The following PKD1L3 variants were observed in gnomAD, a reference collection of about 807,000 sequenced individuals.
PKD1L3 encodes the protein polycystin-1-like protein 3.
Under a neutral mutation model 184.1 loss-of-function variants are expected in PKD1L3, and 239 were observed. The observed-to-expected ratio is 1.30, with a 90% CI of 1.17 to 1.45. The LOEUF is 1.45. PKD1L3 is among the 40% of genes most tolerant of loss of function. PKD1L3 has a pLI of 0.00. For synonymous variants in PKD1L3, 996 were observed against 778.8 expected (o/e 1.28, Z -4.64); for missense variants, 2,660 against 2,067.2 (o/e 1.29, Z -5.56).
Position 71,933,450 on chromosome 16 carries a change from A to T in PKD1L3, c.4896T>A (p.Gly1632=). Residue 1632 remains glycine, a synonymous_variant, in exon 28 of 30, where the codon GGT becomes GGA. Coordinates refer to ENST00000620267, the MANE Select transcript of PKD1L3 (RefSeq NM_181536.2). The stretch of plus-strand genomic sequence containing the variant: ...CTTGGTGAGAAATTCCCATCAGGAG[A>T]CCAACAACAGTCACTGCTGAGCTGA... ...TFFSSAVTVV[G]LLMGISHQEE... 3 of 1,550,362 alleles carry T rather than the reference A, an allele frequency of 1.9e-6. No homozygotes were observed. Among genetic ancestry groups the T allele is most frequent in the Non-Finnish European group, 2.6e-6 (3 of 1,145,734 alleles).
At chr16:71,989,946 A>T (rs780148821) in intron 4 of PKD1L3, among the ~76,000 whole-genome samples, 3 of 152,070 alleles carry the variant, frequency 2.0e-5, no homozygotes, top group Non-Finnish European at 4.4e-5. Flanking sequence ...GTGGTGGCGC[A>T]GGCCTGTAAT....
At chr16:71,970,647 A>G (rs1252087262) in intron 12 of PKD1L3, among the ~76,000 whole-genome samples, 1 of 152,126 alleles carries the variant, frequency 6.6e-6, no homozygotes, top group Admixed American at 6.6e-5. Context: ...ATCTCTACTA[A>G]AAATATAAAA....
chr16:71,955,583 C>T (rs989328441), intron 16 of PKD1L3, among the ~76,000 whole-genome samples: 1 of 151,968 alleles, frequency 6.6e-6, no homozygotes, highest in Admixed American at 6.6e-5. Flanking sequence ...ACCTCCATCC[C>T]CCTGGCTCAA....
intron 16 of PKD1L3, among the ~76,000 whole-genome samples, chr16:71,961,994 G>A (rs2039298446): frequency 6.6e-6 from 1 of 152,094 alleles, no homozygotes; most frequent in African/African-American, 2.4e-5. Context: ...GCTGTATCTC[G>A]GCTCACTGCA....
intron 15 of PKD1L3, among the ~76,000 whole-genome samples, chr16:71,964,435 T>A (rs1597330698): frequency 7.3e-6 from 1 of 137,634 alleles, no homozygotes; most frequent in Non-Finnish European, 1.5e-5. Context: ...ACCTCCCAGG[T>A]TCAAGCAATT....
Position 71,980,927 on chromosome 16 carries a change from A to G in PKD1L3, c.1144-793T>C, listed in dbSNP as rs1017906670. On this transcript the variant is annotated intron_variant, in intron 7 of 29. Transcript: ENST00000620267. The stretch of plus-strand genomic sequence containing the variant: ...CTCTAGGCAACAACGAATCTACTTT[A>G]TGTGTCTACAGATTTGCCTCTTTGG... Among the ~76,000 whole-genome samples, 3 of 152,202 alleles carry G rather than the reference A, an allele frequency of 2.0e-5. No individual in the cohort carries two copies. The East Asian group carries it at 5.8e-4, about 29-fold the overall frequency.
rs1312141826 is a variant in PKD1L3, at chr16:71,950,106, G to C, written c.3383+12C>G. On this transcript the variant is annotated intron_variant, in intron 20 of 29. Transcript: ENST00000620267. ...TTACAGGGGATAAAGAAGGCTTGGT[G>C]TGGTGCATTACCTGGATGGCTCTTG... 6.4e-7 allele frequency: 1 copy of C among 1,550,550 alleles called. No homozygotes were observed. The highest frequency in any genetic ancestry group is 8.7e-7 in the Non-Finnish European group (1 of 1,145,794).
intron 16 of PKD1L3, among the ~76,000 whole-genome samples, chr16:71,958,666 A>G (rs2039144954): frequency 6.7e-6 from 1 of 150,306 alleles, no homozygotes; most frequent in Non-Finnish European, 1.5e-5. Context: ...CTGTAATCCC[A>G]GCTACTCAGG....
At chr16:71,978,193 T>C in intron 10 of PKD1L3, 62 bp downstream of exon 10, 3 of 1,499,836 alleles carry the variant, frequency 2.0e-6, no homozygotes, top group Non-Finnish European at 2.7e-6. Context: ...TGTTGCATCC[T>C]TCCATCCTGT....
At chr16:71,942,031 C>T (rs1351570805) in intron 24 of PKD1L3, among the ~76,000 whole-genome samples, 2 of 151,746 alleles carry the variant, frequency 1.3e-5, no homozygotes, top group Non-Finnish European at 2.9e-5. Context: ...TTTCAAAATT[C>T]TGGCTGGGCA....
At position 71,963,192 on chromosome 16, in the gene PKD1L3, T is replaced by C; in HGVS notation, c.2612+13A>G. On this transcript the variant is annotated intron_variant, in intron 16 of 29. Transcript: ENST00000620267. ...ATCAATATTCACTGTTAATAGTAAT[T>C]TTCCAACAGTACCTAAAGGAAAAGA... is the stretch of plus-strand genomic sequence containing the variant. The C allele has an allele frequency of 6.5e-7, 1 of 1,538,564 alleles. No homozygotes were observed. Among genetic ancestry groups the C allele is most frequent in the Non-Finnish European group, 8.8e-7 (1 of 1,140,214 alleles).
At chr16:71,951,530 G>C (rs780646056) in intron 19 of PKD1L3, 34 bp downstream of exon 19, 10 of 1,525,296 alleles carry the variant, frequency 6.6e-6, no homozygotes, top group South Asian at 1.2e-5. Context: ...GGAGGCAGAT[G>C]GAAGATTCGT....
chr16:71,976,612 A>AT (rs34774993), intron 11 of PKD1L3, among the ~76,000 whole-genome samples: 6 of 152,042 alleles, frequency 3.9e-5, no homozygotes, highest in African/African-American at 9.6e-5. Context: ...CAAAATGAAA[A>AT]TTTTTTTAAA....
chr16:71,949,347 T>C (rs917872998), intron 21 of PKD1L3, among the ~76,000 whole-genome samples: 4 of 122,426 alleles, frequency 3.3e-5, no homozygotes, highest in African/African-American at 1.4e-4. Flanking sequence ...GTCAGTTTGC[T>C]TTTTTTTTTT....
chr16:71,956,243 G>C (rs2039044706), intron 16 of PKD1L3, among the ~76,000 whole-genome samples: 1 of 139,106 alleles, frequency 7.2e-6, no homozygotes, highest in Non-Finnish European at 1.5e-5. Context: ...ACCTAGGATG[G>C]AGTGCAATGG....
intron 12 of PKD1L3, among the ~76,000 whole-genome samples, chr16:71,971,241 C>T (rs1330535433): frequency 6.6e-6 from 1 of 152,216 alleles, no homozygotes; most frequent in Non-Finnish European, 1.5e-5. Context: ...GAGCAAAATA[C>T]TAACTTTGAT....
At position 71,954,092 on chromosome 16, in the gene PKD1L3, G is replaced by A; in HGVS notation, c.2809+13C>T. On this transcript the variant is annotated intron_variant, in intron 17 of 29. Coordinates refer to ENST00000620267, the MANE Select transcript of PKD1L3 (RefSeq NM_181536.2). ...GCTTACTACAAACAACACACATCAG[G>A]GCTCATCCATACTTTGCTCATCTCT... is the stretch of plus-strand genomic sequence containing the variant. The A allele has an allele frequency of 6.6e-7, 1 of 1,515,584 alleles. No homozygotes were observed. The highest frequency in any genetic ancestry group is 8.8e-7 in the Non-Finnish European group (1 of 1,131,774). The allele number at this position is 1,515,584 out of a possible 1,614,324, so 93.9% of individuals were successfully genotyped here.
At chr16:71,946,341 C>G (rs2038602887) in intron 22 of PKD1L3, among the ~76,000 whole-genome samples, 1 of 152,182 alleles carries the variant, frequency 6.6e-6, no homozygotes, top group East Asian at 1.9e-4. Context: ...ACAGGTAGTC[C>G]TTTCCTGAAT....
In PKD1L3 at chr16:71,998,598, C is replaced by G. The variant is rs573097341; in HGVS notation, c.296-204G>C. Among the ~76,000 whole-genome samples the G allele has an allele frequency of 9.2e-5, 14 of 152,146 alleles. No individual in the cohort carries two copies. The East Asian group carries it at 2.7e-3, about 29-fold the overall frequency. ...CCCAAGTAGCTGGGATTACAGGCACCCGCCACCACGCCCAGCTAATTTTTG... is the reference window on the plus strand; with the variant it reads ...CCCAAGTAGCTGGGATTACAGGCACGCGCCACCACGCCCAGCTAATTTTTG... On this transcript the variant is annotated intron_variant, in intron 1 of 29. Coordinates refer to ENST00000620267, the MANE Select transcript of PKD1L3 (RefSeq NM_181536.2).
Sources: gnomAD v4.1 joint callset for allele counts (sites outside exome capture counted in the v4.1 genomes callset) on GRCh38, gnomAD v4.1.1 for gene constraint, MANE v1.5 for transcripts, NCBI Gene and HGNC (gene_info 2026-07-23, HGNC 2026-07-21) for gene names.